Variants in OPN3 observed in about 807,000 individuals in gnomAD.
OPN3 encodes opsin 3, also known as opsin-3.
A neutral mutation model predicts 33.8 loss-of-function variants in OPN3; 29 were observed. The ratio of observed to expected loss-of-function variants is 0.86; its 90% CI spans 0.64 to 1.17. The LOEUF (loss-of-function observed/expected upper bound fraction) is 1.17, where lower values mean the gene tolerates loss of function less well. OPN3 is among the 50% of genes most tolerant of loss of function. OPN3 has a pLI of 0.00. For synonymous variants in OPN3, 216 were observed against 216.1 expected, an observed-to-expected ratio of 1.00 and a Z score of 0.00; for missense variants, 437 against 514.1, an observed-to-expected ratio of 0.85 and a Z score of 1.45.
intron 1 of OPN3, chr1:241,633,344 CA>C (rs1265591048): frequency 6.1e-6 from 1 of 163,706 alleles, no homozygotes; most frequent in African/African-American, 2.4e-5. Flanking sequence ...AAAAGATCCA[CA>C]TAATTTACCA....
intron 2 of OPN3, 71 bp from the exon 3 acceptor site, chr1:241,598,068 A>G: frequency 6.6e-7 from 1 of 1,506,710 alleles, no homozygotes; most frequent in East Asian, 2.4e-5. Flanking sequence ...TTTTTATAAC[A>G]GATATTCAGA....
chr1:241,597,844 C>T lies in OPN3; in HGVS notation c.847G>A (p.Gly283Ser). The T allele has an allele frequency of 1.2e-6, 2 of 1,613,518 alleles. No homozygotes were observed. Among genetic ancestry groups the T allele is most frequent in the Non-Finnish European group, 1.7e-6 (2 of 1,179,868 alleles). Reference sequence around the variant, plus strand: ...GATATTGTTGGAGTGACCAGGTGACCATGACCATTAACCACCAAGAAGCAG... The same window carrying T: ...GATATTGTTGGAGTGACCAGGTGACTATGACCATTAACCACCAAGAAGCAG... ...VICFLVVNGH[G>S]HLVTPTISIV... The change falls in exon 3 of 4, where the codon GGT becomes AGT. Residue 283 changes from glycine (G) to serine (S), a missense_variant. Physicochemically the swap from Gly to Ser is moderately conservative, Grantham distance 56. Coordinates refer to ENST00000366554, the MANE Select transcript of OPN3 (RefSeq NM_014322.3).
chr1:241,608,743 C>G (rs1195262989), intron 1 of OPN3, among the ~76,000 whole-genome samples: 1 of 152,204 alleles, frequency 6.6e-6, no homozygotes, highest in East Asian at 1.9e-4. Flanking sequence ...TCTTAGCAAG[C>G]ACAATGAGTT....
chr1:241,629,017 GTTC>G (rs776413358), intron 1 of OPN3: 6 of 152,462 alleles, frequency 3.9e-5, no homozygotes, highest in African/African-American at 7.2e-5. Flanking sequence ...CACAATTTAT[GTTC>G]TTATTAACAT....
At chr1:241,609,619 AGAT>A (rs1663934600) in intron 1 of OPN3, among the ~76,000 whole-genome samples, 1 of 152,250 alleles carries the variant, frequency 6.6e-6, no homozygotes, top group African/African-American at 2.4e-5. Context: ...GAACAATGTA[AGAT>A]GATATGTGAT....
intron 1 of OPN3, among the ~76,000 whole-genome samples, chr1:241,615,560 C>T (rs913601507): frequency 6.6e-6 from 1 of 152,144 alleles, no homozygotes; most frequent in Non-Finnish European, 1.5e-5. Flanking sequence ...CATTTCTGTG[C>T]CTCATACCAT....
rs761189513 is a variant in OPN3, at chr1:241,604,529, G to A, written c.424C>T (p.Arg142Cys). The change falls in exon 2 of 4, where the codon CGC (arginine) becomes TGC (cysteine). Residue 142 changes from arginine to cysteine, a missense_variant. By Grantham distance (180) the Arg-to-Cys change is radical (BLOSUM62 -3). Transcript: ENST00000366554. ...TTGATCACTCTGGCATGGACCACGC[G>A]AATGTAACGTTCATAGGCCAGCACG... ...LTVLAYERYI[R>C]VVHARVINFS... The A allele has an allele frequency of 1.2e-6, 2 of 1,614,062 alleles. No homozygotes were observed. The highest frequency in any genetic ancestry group is 2.2e-5 in the East Asian group (1 of 44,846).
At chr1:241,637,146 T>C (rs1002523589) in intron 1 of OPN3, among the ~76,000 whole-genome samples, 3 of 152,216 alleles carry the variant, frequency 2.0e-5, no homozygotes, top group African/African-American at 7.2e-5. Flanking sequence ...TATTCATCAT[T>C]GCACAGTTTT....
At chr1:241,596,158 C>T (rs1663502122) in intron 3 of OPN3, among the ~76,000 whole-genome samples, 1 of 152,166 alleles carries the variant, frequency 6.6e-6, no homozygotes, top group East Asian at 1.9e-4. Flanking sequence ...ATTTATAGCC[C>T]ATTGGCTGAG....
At chr1:241,610,984 C>T (rs16841877) in intron 1 of OPN3, among the ~76,000 whole-genome samples, 28,495 of 151,724 alleles carry the variant, frequency 0.19, 3,150 homozygotes, top group Admixed American at 0.3. Flanking sequence ...AGTGGTAATG[C>T]GTAAGGTATT....
chr1:241,594,590 G>T lies in OPN3; in HGVS notation c.1047C>A (p.Pro349=), dbSNP rs773145705. The change falls in exon 4 of 4, where the codon CCC becomes CCA. Residue 349 remains proline (P), a synonymous_variant. Transcript: ENST00000366554. ...PAAGSEMQIR[P]IVMSQKDGDR... ...CCCCATCTTTCTGTGACATCACAAT[G>T]GGTCTGATCTGCATTTCACTTCCAG... 66 of 1,614,006 alleles carry T rather than the reference G, an allele frequency of 4.1e-5. No individual in the cohort carries two copies. The highest frequency in any genetic ancestry group is 5.4e-5 in the Non-Finnish European group (64 of 1,180,008).
At chr1:241,594,971 C>G in intron 3 of OPN3, 1 of 330,196 alleles carries the variant, frequency 3.0e-6, no homozygotes, top group East Asian at 5.7e-5. Flanking sequence ...AGGGCAGGTA[C>G]AACTATTAAG....
intron 1 of OPN3, chr1:241,629,089 T>C (rs1015029705): frequency 2.0e-5 from 3 of 152,642 alleles, no homozygotes; most frequent in Non-Finnish European, 2.9e-5. Context: ...TGAATGGCTA[T>C]ATAACATTCT....
rs1663411526 is a variant in OPN3 at position 241,593,909 on chromosome 1, A to G, written c.*519T>C. ...GAAACTCCTCTTTGTCATACTGCAC[A>G]TATAAAACGTCTTTTGTTTCCAACA... On this transcript the variant is annotated 3_prime_UTR_variant, in exon 4 of 4. Coordinates refer to ENST00000366554, the MANE Select transcript of OPN3 (RefSeq NM_014322.3). The G allele has an allele frequency of 6.5e-6, 1 of 154,676 alleles. No homozygotes were observed. Among genetic ancestry groups the G allele is most frequent in the Non-Finnish European group, 1.4e-5 (1 of 69,638 alleles). 9.6% of individuals were successfully genotyped at this position (154,676 alleles called of 1,614,324 possible). A position where few individuals can be genotyped will look rare whatever the true frequency, so the allele number is the denominator to read the frequency against.
intron 1 of OPN3, 69 bp from the exon 2 acceptor site, chr1:241,604,648 A>G: frequency 7.4e-7 from 1 of 1,357,304 alleles, no homozygotes; most frequent in Non-Finnish European, 1.0e-6. Context: ...GACGTGATAC[A>G]TTCTCCACTG....
rs796320083 is a variant in OPN3 at position 241,604,674 on chromosome 1, G to A, written c.374-95C>T. On this transcript the variant is annotated intron_variant, in intron 1 of 3. Coordinates refer to ENST00000366554, the MANE Select transcript of OPN3 (RefSeq NM_014322.3). ...TTCTCCACTGGAAATACCTTACAGA[G>A]TATCTGAGATCGATAGAGTGCTCTC... 2.0e-5 allele frequency: 22 copies of A among 1,120,544 alleles called. No individual in the cohort carries two copies. The African/African-American group carries it at 3.4e-4, about 17-fold the overall frequency. 69.4% of individuals were successfully genotyped at this position (1,120,544 alleles called of 1,614,324 possible).
At chr1:241,603,198 G>A (rs1049514894) in intron 2 of OPN3, among the ~76,000 whole-genome samples, 18 of 152,084 alleles carry the variant, frequency 1.2e-4, no homozygotes, top group African/African-American at 3.6e-4. Context: ...CTCTCCTGTC[G>A]CCCTGTAACT....
At chr1:241,636,495 T>G (rs1320800581) in intron 1 of OPN3, among the ~76,000 whole-genome samples, 1 of 152,224 alleles carries the variant, frequency 6.6e-6, no homozygotes, top group Non-Finnish European at 1.5e-5. Flanking sequence ...CTGTGGCCAT[T>G]ACAGTCTATG....
At position 241,635,659 on chromosome 1, in the gene OPN3, A is replaced by G. The variant is rs1414525586; in HGVS notation, c.373+4223T>C. On this transcript the variant is annotated intron_variant, in intron 1 of 3. Coordinates refer to ENST00000366554, the MANE Select transcript of OPN3 (RefSeq NM_014322.3). The stretch of plus-strand genomic sequence containing the variant: ...CTCCATAGTAGCTTCTTGAATCAAT[A>G]TGCAGAACCCTCTGACCACTTCTTG... The G allele has an allele frequency of 1.9e-6, 3 of 1,614,130 alleles. No individual in the cohort carries two copies. The Admixed American group carries it at 5.0e-5, about 27-fold the overall frequency.
Sources: allele counts gnomAD v4.1 joint callset (sites outside exome capture counted in the v4.1 genomes callset), GRCh38; gene constraint gnomAD v4.1.1; transcripts MANE v1.5; gene names NCBI Gene and HGNC (gene_info 2026-07-23, HGNC 2026-07-21).